FBXW11: variants seen among roughly 807,000 people sequenced by gnomAD.
FBXW11 encodes F-box/WD repeat-containing protein 11.
A neutral mutation model predicts 77.6 loss-of-function variants in FBXW11; 19 were observed. That is an observed-to-expected ratio of 0.24 (90% CI 0.17 to 0.36). FBXW11 has a LOEUF of 0.36. Among genes scored for constraint, FBXW11 ranks in the 10% least tolerant of loss-of-function variants. The pLI, the probability that FBXW11 is intolerant of heterozygous loss-of-function variation, is 1.00. For missense variants in FBXW11, 334 were observed against 704.2 expected, an observed-to-expected ratio of 0.47 and a Z score of 5.95; for synonymous variants, 235 against 249.4, an observed-to-expected ratio of 0.94 and a Z score of 0.54.
At chr5:171,944,748 C>G (rs1370694800) in intron 2 of FBXW11, among the ~76,000 whole-genome samples, 1 of 151,982 alleles carries the variant, frequency 6.6e-6, no homozygotes, top group African/African-American at 2.4e-5. Flanking sequence ...AAAATACAGT[C>G]TGATTTGAAG....
rs1444859348 is a variant in FBXW11 at position 171,904,011 on chromosome 5, A to G, written c.437-3911T>C. Among the ~76,000 whole-genome samples, 3 of 152,184 alleles carry G rather than the reference A, an allele frequency of 2.0e-5. No homozygotes were observed. Among genetic ancestry groups the G allele is most frequent in the Non-Finnish European group, 2.9e-5 (2 of 68,030 alleles). ...GAAACAAATGGCAAGACAAGGATGC[A>G]TTAGGGGCTGCATGGTGGCTCACAC... On this transcript the variant is annotated intron_variant, in intron 4 of 13. Transcript: ENST00000517395. This position sits in a 1 kb window ranked among gnomAD's most constrained non-coding sequence, Gnocchi z 4.0.
chr5:171,935,730 A>T (rs574997026), intron 2 of FBXW11, among the ~76,000 whole-genome samples: 1 of 152,182 alleles, frequency 6.6e-6, no homozygotes. Context: ...ATAAAGGGTA[A>T]AGGTTTCCTT....
At chr5:171,960,503 T>G (rs1406622727) in intron 1 of FBXW11, among the ~76,000 whole-genome samples, 2 of 152,228 alleles carry the variant, frequency 1.3e-5, no homozygotes, top group Non-Finnish European at 2.9e-5. Flanking sequence ...GGGTTAATAG[T>G]ATTTGCCTCA....
chr5:171,941,047 A>C (rs1176897954), intron 2 of FBXW11, among the ~76,000 whole-genome samples: 1 of 152,206 alleles, frequency 6.6e-6, no homozygotes, highest in East Asian at 1.9e-4. Context: ...GAAAAACTGA[A>C]ATTCTGATGA....
intron 10 of FBXW11, among the ~76,000 whole-genome samples, chr5:171,872,493 G>A (rs1305194091): frequency 6.6e-6 from 1 of 152,240 alleles, no homozygotes; most frequent in Non-Finnish European, 1.5e-5. Context: ...AACAGATGCA[G>A]TCTTGGGAGA....
chr5:171,916,440 T>C, intron 2 of FBXW11: 1 of 985,304 alleles, frequency 1.0e-6, no homozygotes, highest in Non-Finnish European at 1.2e-6. Flanking sequence ...GGTGGGGCTC[T>C]ATGTGAAAAT....
intron 1 of FBXW11, among the ~76,000 whole-genome samples, chr5:172,003,841 G>A (rs949531018): frequency 6.6e-6 from 1 of 152,198 alleles, no homozygotes. Context: ...ATTAGAAAAT[G>A]GAGATAACCA....
At chr5:171,953,649 G>A (rs186040073) in intron 2 of FBXW11, among the ~76,000 whole-genome samples, 1 of 152,202 alleles carries the variant, frequency 6.6e-6, no homozygotes, top group Non-Finnish European at 1.5e-5. Flanking sequence ...ATCAGTAAGA[G>A]GTGGCAATTA....
intron 7 of FBXW11, among the ~76,000 whole-genome samples, chr5:171,883,475 T>C (rs886210116): frequency 1.3e-5 from 2 of 152,164 alleles, no homozygotes; most frequent in Non-Finnish European, 2.9e-5. Flanking sequence ...CATGTATACA[T>C]ATGTAACAAA....
rs764481858 is a variant in FBXW11, at chr5:171,914,378, C to A, written c.175G>T (p.Glu59Ter). 1 of 1,605,884 alleles carries A rather than the reference C, an allele frequency of 6.2e-7. No homozygotes were observed. The highest frequency in any genetic ancestry group is 2.2e-5 in the East Asian group (1 of 44,736). The change falls in exon 3 of 14, where the codon GAA becomes TAA. Residue 59 changes from glutamate to a stop codon, truncating the protein, a stop_gained. Coordinates refer to ENST00000517395, the MANE Select transcript of FBXW11 (RefSeq NM_001378974.1). LOFTEE classifies it high-confidence loss of function. ...GTATTTTTCTTTGGGGACTCATCTT[C>A]ATTTTGATCTTCCATAACTGAAGTG... ...QNTSVMEDQN[E>*]DESPKKNTLW...
intron 2 of FBXW11, among the ~76,000 whole-genome samples, chr5:171,948,052 A>C (rs1300030859): frequency 6.6e-6 from 1 of 152,008 alleles, no homozygotes; most frequent in Non-Finnish European, 1.5e-5. Context: ...TGGCCAACAG[A>C]GTGAAACCCC....
intron 2 of FBXW11, among the ~76,000 whole-genome samples, chr5:171,951,610 C>G (rs1205189582): frequency 1.3e-5 from 2 of 151,848 alleles, no homozygotes; most frequent in Admixed American, 1.3e-4. Context: ...TGTGATGTAG[C>G]CTCCCGAGTA....
chr5:171,897,284 A>C (rs1176197396), intron 6 of FBXW11, among the ~76,000 whole-genome samples: 1 of 152,234 alleles, frequency 6.6e-6, no homozygotes, highest in African/African-American at 2.4e-5. Context: ...CTAGTAGCAC[A>C]TATATCAAAG....
rs372742438 is a variant in FBXW11, at chr5:171,924,139, G to C, written c.148-9734C>G. The stretch of plus-strand genomic sequence containing the variant: ...GAGTTTCACCATGTTGGCCAGGCTG[G>C]TCTTGAACTCCTGACCTCGTGATCC... On this transcript the variant is annotated intron_variant, in intron 2 of 13. Transcript: ENST00000517395. 1.1e-4 allele frequency among the ~76,000 whole-genome samples: 16 copies of C among 151,784 alleles called. No homozygotes were observed. In the South Asian group the frequency reaches 3.3e-3, roughly 32 times the overall value.
At chr5:171,916,148 T>TTAA (rs1761229762) in intron 2 of FBXW11, among the ~76,000 whole-genome samples, 1 of 150,586 alleles carries the variant, frequency 6.6e-6, no homozygotes, top group Non-Finnish European at 1.5e-5. Flanking sequence ...AAATGACGAG[T>TTAA]TAATGGGTGG....
intron 2 of FBXW11, among the ~76,000 whole-genome samples, chr5:171,923,238 TTTAG>T (rs1242001888): frequency 6.6e-6 from 1 of 152,190 alleles, no homozygotes; most frequent in African/African-American, 2.4e-5. Context: ...TTAATCAATT[TTTAG>T]TTAGACTTTT....
At chr5:171,867,519 A>G (rs1387537377) in intron 13 of FBXW11, among the ~76,000 whole-genome samples, 1 of 150,964 alleles carries the variant, frequency 6.6e-6, no homozygotes, top group Non-Finnish European at 1.5e-5. Context: ...GTAGTGAGTT[A>G]ATTTTGGCCC....
intron 1 of FBXW11, among the ~76,000 whole-genome samples, chr5:171,966,389 C>A (rs1764187657): frequency 6.6e-6 from 1 of 151,992 alleles, no homozygotes; most frequent in Non-Finnish European, 1.5e-5. Context: ...ACCCATGATT[C>A]AAAAATGTCA....
At chr5:171,885,861 T>A (rs1414959133) in intron 7 of FBXW11, among the ~76,000 whole-genome samples, 1 of 152,250 alleles carries the variant, frequency 6.6e-6, no homozygotes, top group Non-Finnish European at 1.5e-5. Context: ...TTTTAACTTC[T>A]GACCTAATGG....
Sources: gnomAD v4.1 joint callset for allele counts (sites outside exome capture counted in the v4.1 genomes callset) on GRCh38, gnomAD v4.1.1 for gene constraint, Gnocchi (gnomAD v3.1) non-coding constraint, MANE v1.5 for transcripts, NCBI Gene and HGNC (gene_info 2026-07-23, HGNC 2026-07-21) for gene names.